The following PTN variants were observed in gnomAD, a reference collection of about 807,000 sequenced individuals.
PTN encodes heparin affin regulatory protein.
PTN carries 18 observed loss-of-function variants against 24.1 expected under a neutral mutation model. That is an observed-to-expected ratio of 0.75 (90% CI 0.52 to 1.11). The LOEUF is 1.11. PTN is among the 50% of genes least tolerant of loss of function. PTN has a pLI of 0.00. For synonymous variants in PTN, 78 were observed against 68.6 expected, an observed-to-expected ratio of 1.14 and a Z score of -0.67; for missense variants, 163 against 198.8, an observed-to-expected ratio of 0.82 and a Z score of 1.08.
At chr7:137,328,980 G>C (rs1810306937) in intron 1 of PTN, among the ~76,000 whole-genome samples, 1 of 152,164 alleles carries the variant, frequency 6.6e-6, no homozygotes, top group Non-Finnish European at 1.5e-5. Flanking sequence ...CATTGAATAG[G>C]GGAATGGAGG....
At chr7:137,273,332 A>G (rs1053545419) in intron 1 of PTN, among the ~76,000 whole-genome samples, 7 of 152,338 alleles carry the variant, frequency 4.6e-5, no homozygotes, top group Admixed American at 2.6e-4. Flanking sequence ...CTTAGCATGA[A>G]TTCATGTTGG....
intron 1 of PTN, among the ~76,000 whole-genome samples, chr7:137,332,160 A>G (rs926520027): frequency 3.3e-5 from 5 of 152,252 alleles, no homozygotes; most frequent in Admixed American, 3.3e-4. Context: ...ACTGTTAAAA[A>G]GCAGGACACC....
intron 4 of PTN, among the ~76,000 whole-genome samples, chr7:137,238,522 A>C (rs1258813582): frequency 1.3e-5 from 2 of 152,196 alleles, no homozygotes; most frequent in African/African-American, 4.8e-5. Context: ...TGCTTATACG[A>C]ATGTTTAGGA....
At position 137,239,887 on chromosome 7, in the gene PTN, C is replaced by T. The variant is rs76634878; in HGVS notation, c.451+11343G>A. On this transcript the variant is annotated intron_variant, in intron 4 of 4. Transcript: ENST00000348225. The stretch of plus-strand genomic sequence containing the variant: ...AGTGACATGTCCTCTCAGAGGAGAC[C>T]GTGACTTAATATTTGGGAAGGGAAG... Among the ~76,000 whole-genome samples, 130 of 152,184 alleles carry T rather than the reference C, an allele frequency of 8.5e-4. 1 individual carries two copies. Among genetic ancestry groups the T allele is most frequent in the African/African-American group, 3.0e-3 (125 of 41,520 alleles).
chr7:137,260,171 C>G (rs953435427), intron 1 of PTN, among the ~76,000 whole-genome samples: 3 of 152,084 alleles, frequency 2.0e-5, no homozygotes, highest in African/African-American at 7.2e-5. Flanking sequence ...TTGAGAGTAG[C>G]CTCATATGAG....
At chr7:137,341,590 T>G (rs571523980) in intron 1 of PTN, among the ~76,000 whole-genome samples, 2 of 152,296 alleles carry the variant, frequency 1.3e-5, no homozygotes, top group African/African-American at 4.8e-5. Context: ...CTAATAGTAC[T>G]TTTATTTATC....
chr7:137,258,103 A>T (rs573121676), intron 1 of PTN, among the ~76,000 whole-genome samples: 4 of 152,272 alleles, frequency 2.6e-5, no homozygotes, highest in South Asian at 2.1e-4. Context: ...TTTCAAAAAG[A>T]TTTCCTTAAT....
intron 3 of PTN, among the ~76,000 whole-genome samples, chr7:137,251,872 T>G (rs1449798769): frequency 6.6e-6 from 1 of 151,938 alleles, no homozygotes; most frequent in Non-Finnish European, 1.5e-5. Flanking sequence ...AGTCTGTTTC[T>G]TCCTATTGCT....
chr7:137,253,118 C>T (rs1808857002), intron 3 of PTN, among the ~76,000 whole-genome samples: 1 of 152,098 alleles, frequency 6.6e-6, no homozygotes, highest in African/African-American at 2.4e-5. Context: ...ATTTTATGTC[C>T]CTTTGGAAAG....
chr7:137,326,952 T>A (rs1418557712), intron 1 of PTN: 1 of 152,008 alleles, frequency 6.6e-6, no homozygotes, highest in African/African-American at 2.4e-5. Context: ...CATGAATGAA[T>A]GAATGAATGA....
chr7:137,282,303 T>C (rs1042586568), intron 1 of PTN, among the ~76,000 whole-genome samples: 2 of 152,352 alleles, frequency 1.3e-5, no homozygotes, highest in South Asian at 4.1e-4. Context: ...CTGCATACCA[T>C]GACAGTAAGG....
chr7:137,314,215 C>T (rs1207161432), intron 1 of PTN, among the ~76,000 whole-genome samples: 2 of 152,146 alleles, frequency 1.3e-5, no homozygotes, highest in South Asian at 2.1e-4. Flanking sequence ...CTAAAAGACA[C>T]AGCCCCAAGA....
chr7:137,303,556 TAC>T lies in PTN; in HGVS notation c.-2+39881_-2+39882del, dbSNP rs561299647. Among the ~76,000 whole-genome samples the T allele has an allele frequency of 4.6e-5, 7 of 152,090 alleles. No individual in the cohort carries two copies. In the South Asian group the frequency reaches 1.2e-3, roughly 27 times the overall value. On this transcript the variant is annotated intron_variant, in intron 1 of 4. Coordinates refer to ENST00000348225, the MANE Select transcript of PTN (RefSeq NM_002825.7). ...TTTTCTGTTCATCATTTACCATTTCTACACACAGTTATTAAACACTGTAGATG... is the reference window on the plus strand; with the variant it reads ...TTTTCTGTTCATCATTTACCATTTCTACACAGTTATTAAACACTGTAGATG...
intron 1 of PTN, among the ~76,000 whole-genome samples, chr7:137,295,901 C>A (rs529491278): frequency 6.6e-6 from 1 of 152,012 alleles, no homozygotes; most frequent in Admixed American, 6.6e-5. Context: ...CTGCCTCAGC[C>A]CCTGCTCCCA....
At chr7:137,282,663 A>C (rs1809491635) in intron 1 of PTN, among the ~76,000 whole-genome samples, 1 of 152,250 alleles carries the variant, frequency 6.6e-6, no homozygotes, top group South Asian at 2.1e-4. Flanking sequence ...AAATGGGTAC[A>C]CAACAAAGCA....
intron 2 of PTN, among the ~76,000 whole-genome samples, chr7:137,254,106 T>G (rs1808875518): frequency 6.6e-6 from 1 of 152,142 alleles, no homozygotes; most frequent in African/African-American, 2.4e-5. Flanking sequence ...GAGACCATCC[T>G]GGCTAACATG....
At chr7:137,335,632 A>G (rs1810434203) in intron 1 of PTN, among the ~76,000 whole-genome samples, 1 of 152,196 alleles carries the variant, frequency 6.6e-6, no homozygotes, top group African/African-American at 2.4e-5. Context: ...GCAGTACTGC[A>G]GTCACCTGGG....
At chr7:137,272,451 A>G (rs1809290622) in intron 1 of PTN, among the ~76,000 whole-genome samples, 1 of 152,218 alleles carries the variant, frequency 6.6e-6, no homozygotes, top group African/African-American at 2.4e-5. Flanking sequence ...CGCCCTCAAC[A>G]AAGCCTTTGC....
intron 1 of PTN, among the ~76,000 whole-genome samples, chr7:137,319,028 TTCTC>T (rs1338796788): frequency 2.0e-5 from 3 of 152,208 alleles, no homozygotes; most frequent in Non-Finnish European, 2.9e-5. Flanking sequence ...CCATCTATCT[TTCTC>T]TCTACTTTTG....
Sources: gnomAD v4.1 joint callset for allele counts (sites outside exome capture counted in the v4.1 genomes callset) on GRCh38, gnomAD v4.1.1 for gene constraint, MANE v1.5 for transcripts, NCBI Gene and HGNC (gene_info 2026-07-23, HGNC 2026-07-21) for gene names.